SLC15A3: variants seen among roughly 807,000 people sequenced by gnomAD.
SLC15A3 encodes osteoclast transporter.
SLC15A3 carries 39 observed loss-of-function variants against 49.2 expected under a neutral mutation model. That is an observed-to-expected ratio of 0.79 (90% CI 0.61 to 1.04). SLC15A3 has a LOEUF of 1.04. Ranked by LOEUF, SLC15A3 falls within the 50% of genes least tolerant of loss-of-function variation. The pLI, the probability that SLC15A3 is intolerant of heterozygous loss-of-function variation, is 0.00. For missense variants in SLC15A3, 758 were observed against 794.8 expected (o/e 0.95, Z 0.56); for synonymous variants, 339 against 367.0 (o/e 0.92, Z 0.87).
chr11:60,938,018 C>G lies in SLC15A3; in HGVS notation c.1443G>C (p.Glu481Asp), dbSNP rs778130261. 1 of 1,613,722 alleles carries G rather than the reference C, an allele frequency of 6.2e-7. No individual in the cohort carries two copies. The highest frequency in any genetic ancestry group is 1.1e-5 in the South Asian group (1 of 91,038). The part of the protein sequence containing the change: ...SEIFASIPGL[E>D]FAYSEAPRSM... Reference sequence around the variant, plus strand: ...AGCGCGGGGCCTCTGAGTAGGCAAACTCCAGGCCTGCAGAGGGGGAGCAGA... The same window carrying G: ...AGCGCGGGGCCTCTGAGTAGGCAAAGTCCAGGCCTGCAGAGGGGGAGCAGA... The change falls in exon 7 of 8, where the codon GAG becomes GAC. Residue 481 changes from glutamate (E) to aspartate (D), a missense_variant. Physicochemically the swap from Glu to Asp is conservative, Grantham distance 45. Transcript: ENST00000227880.
chr11:60,943,813 A>C lies in SLC15A3; in HGVS notation c.872T>G (p.Leu291Arg), dbSNP rs576264656. Residue 291 changes from leucine (L) to arginine (R), a missense_variant, in exon 3 of 8, where the codon CTG becomes CGG. Leu to Arg is a moderately radical substitution (Grantham distance 102, BLOSUM62 -2). This residue lies in a region of SLC15A3 where 699 missense variants were observed against 706.7 expected (regional missense o/e 0.99). Transcript: ENST00000227880. ...TGGCTGGGGAGACCTCTCGTCGGCC[A>C]GCACGCGGGCACATTGACGGTCTCT... ...SARDRQCARV[L>R]ADERSPQPGA... The C allele has an allele frequency of 2.0e-5, 32 of 1,598,254 alleles. No individual in the cohort carries two copies. The African/African-American group carries it at 3.9e-4, about 19-fold the overall frequency.
At chr11:60,940,971 T>A in intron 5 of SLC15A3, 151 bp downstream of exon 5, 1 of 733,580 alleles carries the variant, frequency 1.4e-6, no homozygotes, top group Non-Finnish European at 2.1e-6. Context: ...TAGGAGGGTC[T>A]CTTTCAGCTT....
chr11:60,946,586 A>G lies in SLC15A3; in HGVS notation c.794T>C (p.Leu265Pro). The G allele has an allele frequency of 1.2e-6, 2 of 1,606,052 alleles. No homozygotes were observed. Among genetic ancestry groups the G allele is most frequent in the Non-Finnish European group, 1.7e-6 (2 of 1,174,152 alleles). ...GCAGCAGTTTTGGAGAGCGAGCTTA[A>G]GCATAGAGGACACTTGGCTGCCCAT... The part of the protein sequence containing the change: ...PPMGSQVSSM[L>P]KLALQNCCPQ... The change falls in exon 2 of 8, where the codon CTT becomes CCT. Residue 265 changes from leucine (L) to proline (P), a missense_variant. Leu to Pro is a moderately conservative substitution (Grantham distance 98). This residue lies in a region of SLC15A3 where 699 missense variants were observed against 706.7 expected (regional missense o/e 0.99). Coordinates refer to ENST00000227880, the MANE Select transcript of SLC15A3 (RefSeq NM_016582.3).
In SLC15A3 at chr11:60,937,388, G is replaced by A. The variant is rs1426671305; in HGVS notation, c.1592-15C>T. 4 of 1,613,938 alleles carry A rather than the reference G, an allele frequency of 2.5e-6. No homozygotes were observed. The highest frequency in any genetic ancestry group is 3.3e-5 in the Admixed American group (2 of 60,022). ...GTTGATGTTCCCTGGGGAAAGGAGG[G>A]GTTAGATTTGGGTCAGGACAGGGAT... On this transcript the variant is annotated splice_polypyrimidine_tract_variant and intron_variant, in intron 7 of 7. Transcript: ENST00000227880.
In SLC15A3 at chr11:60,946,652, A is replaced by G. The variant is rs1856807437; in HGVS notation, c.728T>C (p.Ile243Thr). ...GAAGACGGGGGTGGCAAAGAGGAAG[A>G]TGAAAAATGCCAGGCCCACACAGCC... ...PVGCVGLAFF[I>T]FLFATPVFIT... Residue 243 changes from isoleucine to threonine, a missense_variant, in exon 2 of 8, where the codon ATC becomes ACC. This residue lies in a region of SLC15A3 where 699 missense variants were observed against 706.7 expected (regional missense o/e 0.99). Transcript: ENST00000227880. 2 of 1,614,094 alleles carry G rather than the reference A, an allele frequency of 1.2e-6. No homozygotes were observed. Among genetic ancestry groups the G allele is most frequent in the African/African-American group, 1.3e-5 (1 of 74,930 alleles).
Position 60,937,157 on chromosome 11 carries a change from A to T in SLC15A3, c.*62T>A. ...AACAGAATAAACCGAGAAGGAAACCAGAGCTGGGACTGCTGCCGTCTGTCC... is the reference window on the plus strand; with the variant it reads ...AACAGAATAAACCGAGAAGGAAACCTGAGCTGGGACTGCTGCCGTCTGTCC... On this transcript the variant is annotated 3_prime_UTR_variant, in exon 8 of 8. Coordinates refer to ENST00000227880, the MANE Select transcript of SLC15A3 (RefSeq NM_016582.3). The T allele has an allele frequency of 6.4e-7, 1 of 1,561,714 alleles. No homozygotes were observed.
In SLC15A3 at chr11:60,937,392, A is replaced by G. The variant is rs1214742789; in HGVS notation, c.1592-19T>C. Reference sequence around the variant, plus strand: ...ATGTTCCCTGGGGAAAGGAGGGGTTAGATTTGGGTCAGGACAGGGATCCTC... The same window carrying G: ...ATGTTCCCTGGGGAAAGGAGGGGTTGGATTTGGGTCAGGACAGGGATCCTC... On this transcript the variant is annotated intron_variant, in intron 7 of 7. Coordinates refer to ENST00000227880, the MANE Select transcript of SLC15A3 (RefSeq NM_016582.3). 1.2e-6 allele frequency: 2 copies of G among 1,613,790 alleles called. No homozygotes were observed. Among genetic ancestry groups the G allele is most frequent in the Non-Finnish European group, 1.7e-6 (2 of 1,179,946 alleles).
At chr11:60,949,309 C>T (rs888278240) in intron 1 of SLC15A3, among the ~76,000 whole-genome samples, 3 of 148,092 alleles carry the variant, frequency 2.0e-5, no homozygotes, top group East Asian at 4.0e-4. Flanking sequence ...TGCACTCCAG[C>T]GTAGGCAACA....
intron 1 of SLC15A3, 95 bp from the exon 2 acceptor site, chr11:60,946,916 C>T: frequency 7.1e-6 from 10 of 1,403,088 alleles, no homozygotes; most frequent in Non-Finnish European, 9.5e-6. Flanking sequence ...CTTCTTGGGT[C>T]AGTGGGTGGT....
Position 60,937,324 on chromosome 11 carries a change from G to A in SLC15A3, c.1641C>T (p.Gly547=). ...ATAGGAGAGCCGTGACGGCCTGAATGCCAGCCAGCAGGAAGAAGTAGAGGT... is the reference window on the plus strand; with the variant it reads ...ATAGGAGAGCCGTGACGGCCTGAATACCAGCCAGCAGGAAGAAGTAGAGGT... The part of the protein sequence containing the change: ...RMDLYFFLLA[G]IQAVTALLFV... The change falls in exon 8 of 8, where the codon GGC becomes GGT. Residue 547 remains glycine (G), a synonymous_variant. Coordinates refer to ENST00000227880, the MANE Select transcript of SLC15A3 (RefSeq NM_016582.3). 3 of 1,614,154 alleles carry A rather than the reference G, an allele frequency of 1.9e-6. No homozygotes were observed. Among genetic ancestry groups the A allele is most frequent in the South Asian group, 1.1e-5 (1 of 91,086 alleles).
In SLC15A3 at chr11:60,942,087, G is replaced by A; in HGVS notation, c.1055C>T (p.Ala352Val). ...GGCCACAGAGATGTTGGCCGGGTTG[G>A]CTGGGAAAATGTTTGGGATGTGGAG... is the stretch of plus-strand genomic sequence containing the variant. ...LHLHIPNIFP[A>V]NPANISVALR... is the part of the protein sequence containing the mutation. The change falls in exon 4 of 8, where the codon GCC becomes GTC. Residue 352 changes from alanine to valine, a missense_variant. Physicochemically the swap from Ala to Val is moderately conservative, Grantham distance 64. Coordinates refer to ENST00000227880, the MANE Select transcript of SLC15A3 (RefSeq NM_016582.3). 6.2e-7 allele frequency: 1 copy of A among 1,614,184 alleles called. No individual in the cohort carries two copies. The highest frequency in any genetic ancestry group is 8.5e-7 in the Non-Finnish European group (1 of 1,180,006).
chr11:60,948,300 G>T (rs1271787454), intron 1 of SLC15A3, among the ~76,000 whole-genome samples: 1 of 152,178 alleles, frequency 6.6e-6, no homozygotes, highest in African/African-American at 2.4e-5. Context: ...GGTCCCATTA[G>T]AAGCAGCCAC....
intron 2 of SLC15A3, among the ~76,000 whole-genome samples, chr11:60,946,000 T>C (rs1856795476): frequency 6.6e-6 from 1 of 151,976 alleles, no homozygotes; most frequent in Non-Finnish European, 1.5e-5. Flanking sequence ...TTTTTTTTCA[T>C]TTTTCTTTTT....
chr11:60,944,569 G>T (rs967914098), intron 2 of SLC15A3, among the ~76,000 whole-genome samples: 1 of 152,166 alleles, frequency 6.6e-6, no homozygotes, highest in Non-Finnish European at 1.5e-5. Context: ...TAAGACCAGA[G>T]ACTGTGGAAA....
At chr11:60,937,744 A>C (rs1338639101) in intron 7 of SLC15A3, 126 bp downstream of exon 7, 2 of 1,270,890 alleles carry the variant, frequency 1.6e-6, no homozygotes, top group Non-Finnish European at 2.2e-6. Context: ...CCGGGCTAGA[A>C]CCCCATTCTC....
chr11:60,940,627 A>G (rs1057123873), intron 5 of SLC15A3: 1 of 152,464 alleles, frequency 6.6e-6, no homozygotes, highest in African/African-American at 2.4e-5. Flanking sequence ...AAAGTTACTA[A>G]GTAAAAAGGG....
In SLC15A3 at chr11:60,943,757, A is replaced by C. The variant is rs779079100; in HGVS notation, c.928T>G (p.Phe310Val). ...GASPQEDIAN[F>V]QVLVKILPVM... ...GGCAAGATCTTCACCAGCACCTGGA[A>C]GTTGGCGATGTCCTCTTGCGGGGAA... The change falls in exon 3 of 8, where the codon TTC (phenylalanine) becomes GTC (valine). Residue 310 changes from phenylalanine to valine, a missense_variant. Physicochemically the swap from Phe to Val is conservative, Grantham distance 50. Coordinates refer to ENST00000227880, the MANE Select transcript of SLC15A3 (RefSeq NM_016582.3). 1.4e-5 allele frequency: 22 copies of C among 1,606,100 alleles called. 1 individual carries two copies. Among genetic ancestry groups the C allele is most frequent in the Non-Finnish European group, 1.9e-5 (22 of 1,176,050 alleles).
chr11:60,951,540 C>G lies in SLC15A3; in HGVS notation c.12G>C (p.Pro4=). 2 of 1,142,392 alleles carry G rather than the reference C, an allele frequency of 1.8e-6. No individual in the cohort carries two copies. The highest frequency in any genetic ancestry group is 1.1e-6 in the Non-Finnish European group (1 of 929,640). The allele number at this position is 1,142,392 out of a possible 1,614,324, so 70.8% of individuals were successfully genotyped here. A position where few individuals can be genotyped will look rare whatever the true frequency, so the allele number is the denominator to read the frequency against. MPA[P]RAREQPRVPG... is the part of the protein sequence containing the mutation. ...GCACGCGGGGCTGCTCCCGGGCGCG[C>G]GGCGCGGGCATCCTGGCTCCGGGCT... Residue 4 remains proline (P), a synonymous_variant, in exon 1 of 8, where the codon CCG becomes CCC. Transcript: ENST00000227880.
At chr11:60,949,375 A>G (rs1177566678) in intron 1 of SLC15A3, among the ~76,000 whole-genome samples, 1 of 150,508 alleles carries the variant, frequency 6.6e-6, no homozygotes, top group South Asian at 2.1e-4. Context: ...AAAGAAAGAG[A>G]AAGAAAGAGA....
Sources: allele counts gnomAD v4.1 joint callset (sites outside exome capture counted in the v4.1 genomes callset), GRCh38; gene constraint gnomAD v4.1.1; regional missense constraint gnomAD v4.1.1; transcripts MANE v1.5; gene names NCBI Gene and HGNC (gene_info 2026-07-23, HGNC 2026-07-21).